Variants in NDUFAF6 observed in about 807,000 individuals in gnomAD.
NDUFAF6 encodes the protein NADH:ubiquinone oxidoreductase complex assembly factor 6.
NDUFAF6 carries 45 observed loss-of-function variants against 40.8 expected under a neutral mutation model. The ratio of observed to expected loss-of-function variants is 1.10; its 90% CI spans 0.87 to 1.42. NDUFAF6 has a LOEUF of 1.42. NDUFAF6 is among the 40% of genes most tolerant of loss of function. NDUFAF6 has a pLI of 0.00. For missense variants in NDUFAF6, 435 were observed against 418.5 expected, an observed-to-expected ratio of 1.04 and a Z score of -0.34; for synonymous variants, 185 against 155.9, an observed-to-expected ratio of 1.19 and a Z score of -1.39.
chr8:95,097,042 A>G (rs1245558621), upstream of NDUFAF6, among the ~76,000 whole-genome samples: 1 of 152,232 alleles, frequency 6.6e-6, no homozygotes, highest in Non-Finnish European at 1.5e-5. Context: ...ACAGGGGGTT[A>G]AGGAGAGACG....
chr8:94,960,498 T>A (rs1823479274), intron 1 of NDUFAF6, among the ~76,000 whole-genome samples: 1 of 152,216 alleles, frequency 6.6e-6, no homozygotes, highest in African/African-American at 2.4e-5. Context: ...GTGGAACTAA[T>A]GAACAAGGAA....
intron 3 of NDUFAF6, among the ~76,000 whole-genome samples, chr8:95,037,684 A>G (rs1829662754): frequency 6.6e-6 from 1 of 152,186 alleles, no homozygotes; most frequent in Non-Finnish European, 1.5e-5. Flanking sequence ...CATTTTGATG[A>G]GCACGCTGGC....
At chr8:95,057,703 G>A in intron 8 of NDUFAF6, 106 bp from the exon 9 acceptor site, 1 of 892,166 alleles carries the variant, frequency 1.1e-6, no homozygotes, top group Non-Finnish European at 1.7e-6. Context: ...CCATCTCAGG[G>A]AAACTAAAAT....
chr8:95,113,033 T>C (rs1340184383), intron 4 of NDUFAF6, among the ~76,000 whole-genome samples: 1 of 152,198 alleles, frequency 6.6e-6, no homozygotes, highest in Non-Finnish European at 1.5e-5. Context: ...TACCAGGGCC[T>C]GTGCTGAGTA....
chr8:95,066,956 G>A (rs1832719194), intron 9 of NDUFAF6: 1 of 152,206 alleles, frequency 6.6e-6, no homozygotes, highest in South Asian at 2.1e-4. Flanking sequence ...GCTGGGCCCA[G>A]GGCCCAACTG....
upstream of NDUFAF6, among the ~76,000 whole-genome samples, chr8:95,020,194 T>C (rs1055576304): frequency 5.3e-5 from 8 of 152,078 alleles, no homozygotes; most frequent in Admixed American, 6.5e-5. Context: ...AGTGAAACTT[T>C]GTCTCAAAAA....
At chr8:95,025,337 C>T in intron 1 of NDUFAF6, 132 bp downstream of exon 1, 2 of 920,910 alleles carry the variant, frequency 2.2e-6, no homozygotes, top group South Asian at 2.8e-5. Context: ...GGTGTGCGTT[C>T]TAGTGGGCGT....
At chr8:95,022,779 T>A (rs183722565), upstream of NDUFAF6, among the ~76,000 whole-genome samples, 31 of 152,240 alleles carry the variant, frequency 2.0e-4, no homozygotes, top group African/African-American at 7.5e-4. Context: ...ATTGCAAAAT[T>A]TCTGCATGGC....
At chr8:94,900,699 A>G (rs957128226) in intron 1 of NDUFAF6, among the ~76,000 whole-genome samples, 4 of 152,198 alleles carry the variant, frequency 2.6e-5, no homozygotes, top group Admixed American at 2.0e-4. Context: ...GGAAGTCACC[A>G]AGAAACACTG....
intron 4 of NDUFAF6, chr8:95,115,532 T>TC (rs1022650070): frequency 1.3e-5 from 2 of 151,900 alleles, no homozygotes; most frequent in Non-Finnish European, 2.9e-5. Flanking sequence ...TTTTTTTTTT[T>TC]CAGTCCTTGA....
intron 2 of NDUFAF6, among the ~76,000 whole-genome samples, chr8:94,952,838 G>A (rs891551010): frequency 6.6e-6 from 1 of 152,218 alleles, no homozygotes; most frequent in Non-Finnish European, 1.5e-5. Flanking sequence ...AAGGGTCTGT[G>A]TGCTGGCTGA....
intron 1 of NDUFAF6, among the ~76,000 whole-genome samples, chr8:94,911,402 T>C (rs1818771220): frequency 6.6e-6 from 1 of 152,234 alleles, no homozygotes; most frequent in South Asian, 2.1e-4. Context: ...ACATTATCCT[T>C]TTATAAATGT....
At chr8:95,029,478 G>A (rs1587012868) in intron 1 of NDUFAF6, among the ~76,000 whole-genome samples, 1 of 152,166 alleles carries the variant, frequency 6.6e-6, no homozygotes, top group Non-Finnish European at 1.5e-5. Context: ...ACGCTTTCCC[G>A]TAGAATCACA....
At chr8:95,044,604 C>CTGGGATT (rs1433429536) in intron 4 of NDUFAF6, 1 of 152,088 alleles carries the variant, frequency 6.6e-6, no homozygotes, top group Admixed American at 6.6e-5. Flanking sequence ...AGGTGCCTAC[C>CTGGGATT]ACAATGCCCA....
intron 2 of NDUFAF6, among the ~76,000 whole-genome samples, chr8:95,014,499 A>C (rs970665439): frequency 6.6e-6 from 1 of 152,216 alleles, no homozygotes; most frequent in African/African-American, 2.4e-5. Context: ...TTCTCTGGGT[A>C]AGATGAGAAG....
At chr8:95,016,444 A>G (rs953793832) in intron 2 of NDUFAF6, among the ~76,000 whole-genome samples, 4 of 152,228 alleles carry the variant, frequency 2.6e-5, no homozygotes, top group Non-Finnish European at 5.9e-5. Flanking sequence ...ACTGGTGAGC[A>G]GTTAAAACGT....
chr8:94,925,383 G>T (rs1472785484), intron 1 of NDUFAF6, among the ~76,000 whole-genome samples: 1 of 152,082 alleles, frequency 6.6e-6, no homozygotes, highest in Non-Finnish European at 1.5e-5. Context: ...CATTCATTTG[G>T]GAGAAGATCC....
At chr8:94,970,482 T>G (rs1194237630) in intron 1 of NDUFAF6, among the ~76,000 whole-genome samples, 1 of 152,052 alleles carries the variant, frequency 6.6e-6, no homozygotes, top group Non-Finnish European at 1.5e-5. Flanking sequence ...TCCCAGTGGC[T>G]CAGGAGGCTG....
intron 9 of NDUFAF6, among the ~76,000 whole-genome samples, chr8:95,072,332 A>G (rs1319132611): frequency 6.6e-6 from 1 of 152,216 alleles, no homozygotes; most frequent in South Asian, 2.1e-4. Context: ...TTACTTTTCA[A>G]GGCTGAGGCT....
Sources: allele counts gnomAD v4.1 joint callset (sites outside exome capture counted in the v4.1 genomes callset), GRCh38; gene constraint gnomAD v4.1.1; transcripts MANE v1.5; gene names NCBI Gene and HGNC (gene_info 2026-07-23, HGNC 2026-07-21).